The following CDK14 variants were observed in gnomAD, a reference collection of about 807,000 sequenced individuals.
CDK14 encodes cyclin-dependent kinase 14.
A neutral mutation model predicts 60.7 loss-of-function variants in CDK14; 34 were observed. That is an observed-to-expected ratio of 0.56 (90% confidence interval 0.43 to 0.75). The LOEUF (loss-of-function observed/expected upper bound fraction) is 0.75. CDK14 is among the 30% of genes least tolerant of loss of function. The pLI is 0.00. For missense variants in CDK14, 482 were observed against 564.1 expected, an observed-to-expected ratio of 0.85 and a Z score of 1.47; for synonymous variants, 197 against 203.7, an observed-to-expected ratio of 0.97 and a Z score of 0.28.
At chr7:90,672,520 T>G (rs1342048138) in intron 2 of CDK14, among the ~76,000 whole-genome samples, 2 of 132,528 alleles carry the variant, frequency 1.5e-5, no homozygotes, top group African/African-American at 3.0e-5. Context: ...TTTTTTTTTT[T>G]TTTTTTTTTT....
At chr7:90,788,129 A>G (rs1110456) in intron 4 of CDK14, among the ~76,000 whole-genome samples, 66,142 of 152,020 alleles carry the variant, frequency 0.44, 15,193 homozygotes, top group East Asian at 0.82. Flanking sequence ...CTCAAGAGAA[A>G]TGGAAAGCTC....
intron 2 of CDK14, among the ~76,000 whole-genome samples, chr7:90,705,839 T>C (rs1801885812): frequency 6.6e-6 from 1 of 151,992 alleles, no homozygotes; most frequent in Admixed American, 6.6e-5. Context: ...TAGGAGCCAG[T>C]TGGCCCTGTA....
At chr7:91,032,878 G>A (rs976166908) in intron 10 of CDK14, among the ~76,000 whole-genome samples, 1 of 152,164 alleles carries the variant, frequency 6.6e-6, no homozygotes, top group African/African-American at 2.4e-5. Context: ...ACACAATTGA[G>A]GATGTCAAGC....
At chr7:90,690,488 A>G (rs903222489) in intron 2 of CDK14, among the ~76,000 whole-genome samples, 3 of 152,196 alleles carry the variant, frequency 2.0e-5, no homozygotes, top group African/African-American at 4.8e-5. Flanking sequence ...ATTATGGTCA[A>G]TATTTTACTA....
At chr7:90,850,400 A>G (rs1039513412) in intron 5 of CDK14, among the ~76,000 whole-genome samples, 1 of 152,310 alleles carries the variant, frequency 6.6e-6, no homozygotes, top group Admixed American at 6.5e-5. Context: ...GAGTAAGTGT[A>G]AATAATGAGT....
At chr7:90,912,151 T>A (rs1401111663) in intron 7 of CDK14, among the ~76,000 whole-genome samples, 1 of 152,214 alleles carries the variant, frequency 6.6e-6, no homozygotes, top group East Asian at 1.9e-4. Flanking sequence ...GAATAGAATA[T>A]CCTGAGATGG....
At chr7:90,602,950 A>G (rs1349015100) in intron 1 of CDK14, among the ~76,000 whole-genome samples, 5 of 152,234 alleles carry the variant, frequency 3.3e-5, no homozygotes, top group African/African-American at 1.2e-4. Context: ...CGATTGTTAG[A>G]GTATGTATCC....
intron 2 of CDK14, among the ~76,000 whole-genome samples, chr7:90,616,668 T>C (rs1318937929): frequency 6.6e-6 from 1 of 152,110 alleles, no homozygotes; most frequent in Non-Finnish European, 1.5e-5. Context: ...GGTGTTTTAG[T>C]CATGAAAGGA....
intron 9 of CDK14, among the ~76,000 whole-genome samples, chr7:90,965,370 C>G (rs888733966): frequency 6.6e-6 from 1 of 152,186 alleles, no homozygotes; most frequent in African/African-American, 2.4e-5. Context: ...TGACTGTATA[C>G]TTTTCCCTAA....
chr7:91,022,402 C>T (rs1796455274), intron 10 of CDK14, among the ~76,000 whole-genome samples: 1 of 141,862 alleles, frequency 7.0e-6, no homozygotes, highest in South Asian at 2.3e-4. Context: ...AACTAAATGC[C>T]AGTGGCATTC....
At chr7:90,871,485 C>T (rs1791371215) in intron 6 of CDK14, among the ~76,000 whole-genome samples, 1 of 152,044 alleles carries the variant, frequency 6.6e-6, no homozygotes, top group Non-Finnish European at 1.5e-5. Flanking sequence ...TGTATATATT[C>T]TAGATGGGGT....
At chr7:90,820,649 T>G (rs1273765414) in intron 5 of CDK14, among the ~76,000 whole-genome samples, 1 of 152,202 alleles carries the variant, frequency 6.6e-6, no homozygotes, top group Non-Finnish European at 1.5e-5. Flanking sequence ...CTCAGGTAGT[T>G]CTTTATAGCA....
At chr7:91,194,015 G>A (rs923989950) in intron 14 of CDK14, among the ~76,000 whole-genome samples, 20 of 152,074 alleles carry the variant, frequency 1.3e-4, no homozygotes, top group African/African-American at 4.1e-4. Context: ...TATTTGAATC[G>A]CCAATCTCTA....
intron 2 of CDK14, among the ~76,000 whole-genome samples, chr7:90,674,073 G>C (rs926110043): frequency 6.6e-6 from 1 of 152,186 alleles, no homozygotes; most frequent in African/African-American, 2.4e-5. Flanking sequence ...GGAGACTCTA[G>C]TTCTATAGTG....
chr7:90,913,585 G>T (rs898866455), intron 7 of CDK14, among the ~76,000 whole-genome samples: 1 of 152,232 alleles, frequency 6.6e-6, no homozygotes, highest in Non-Finnish European at 1.5e-5. Context: ...GGGGATGTAT[G>T]AATGCTTTTA....
intron 11 of CDK14, among the ~76,000 whole-genome samples, chr7:91,056,305 A>T (rs978523047): frequency 2.0e-5 from 3 of 152,184 alleles, no homozygotes; most frequent in Non-Finnish European, 2.9e-5. Flanking sequence ...CAAGGGTAGG[A>T]TGAAGATTTT....
intron 7 of CDK14, among the ~76,000 whole-genome samples, chr7:90,910,920 C>T (rs1792875005): frequency 6.6e-6 from 1 of 152,048 alleles, no homozygotes; most frequent in Admixed American, 6.6e-5. Context: ...TTTCCTGATC[C>T]TCTCCCTTCC....
intron 7 of CDK14, among the ~76,000 whole-genome samples, chr7:90,908,012 TTCC>T (rs1792768381): frequency 6.6e-6 from 1 of 152,176 alleles, no homozygotes; most frequent in Non-Finnish European, 1.5e-5. Flanking sequence ...TATAGAGCCT[TTCC>T]TCATTCTGTA....
chr7:90,685,042 G>A (rs758259785), intron 2 of CDK14, among the ~76,000 whole-genome samples: 1 of 150,274 alleles, frequency 6.7e-6, no homozygotes, highest in African/African-American at 2.4e-5. Flanking sequence ...TGGTTTTGGG[G>A]TATGTTTATA....
Sources: gnomAD v4.1 joint callset for allele counts (sites outside exome capture counted in the v4.1 genomes callset) on GRCh38, gnomAD v4.1.1 for gene constraint, MANE v1.5 for transcripts, NCBI Gene and HGNC (gene_info 2026-07-23, HGNC 2026-07-21) for gene names.